The following THBS1 variants were observed in gnomAD, a reference collection of about 807,000 sequenced individuals.
THBS1 encodes the protein thrombospondin-1.
A neutral mutation model predicts 126.1 loss-of-function variants in THBS1; 29 were observed. The ratio of observed to expected loss-of-function variants is 0.23; its 90% CI spans 0.17 to 0.31. THBS1 has a LOEUF of 0.31. THBS1 is among the 10% of genes least tolerant of loss of function. The pLI is 1.00. For missense variants in THBS1, 1,198 were observed against 1,545.2 expected (o/e 0.78, Z 3.77); for synonymous variants, 496 against 577.8 (o/e 0.86, Z 2.03).
chr15:39,587,576 A>C, intron 8 of THBS1, 56 bp downstream of exon 8: 1 of 1,521,972 alleles, frequency 6.6e-7, no homozygotes, highest in Non-Finnish European at 8.9e-7. Flanking sequence ...TGTTGTCGTC[A>C]CCAAGGGCAG....
In THBS1 at chr15:39,584,134, C is replaced by T; in HGVS notation, c.850C>T (p.Leu284Phe). 5 of 1,614,228 alleles carry T rather than the reference C, an allele frequency of 3.1e-6. No individual in the cohort carries two copies. The highest frequency in any genetic ancestry group is 4.2e-6 in the Non-Finnish European group (5 of 1,180,044). Residue 284 changes from leucine to phenylalanine, a missense_variant, in exon 5 of 22, where the codon CTC becomes TTC. Physicochemically the swap from Leu to Phe is conservative, Grantham distance 22. This residue lies in a region of THBS1 where 663 missense variants were observed against 860.1 expected (regional missense o/e 0.77). Coordinates refer to ENST00000260356, the MANE Select transcript of THBS1 (RefSeq NM_003246.4). ...CDELSSMVLE[L>F]RGLRTIVTTL... is the part of the protein sequence containing the mutation. Reference sequence around the variant, plus strand: ...TGAGCTGTCCAGCATGGTCCTGGAACTCAGGGGCCTGCGCACCATTGTGAC... The same window carrying T: ...TGAGCTGTCCAGCATGGTCCTGGAATTCAGGGGCCTGCGCACCATTGTGAC...
In THBS1 at chr15:39,592,639, G is replaced by A; in HGVS notation, c.2604G>A (p.Gln868=). The A allele has an allele frequency of 6.2e-7, 1 of 1,614,136 alleles. No individual in the cohort carries two copies. Among genetic ancestry groups the A allele is most frequent in the Non-Finnish European group, 8.5e-7 (1 of 1,180,020 alleles). ...AGGATATTGATGAAGATGGCCACCA[G>A]AACAATCTGGACAACTGTCCCTATG... ...NNQDIDEDGH[Q]NNLDNCPYVP... The change falls in exon 17 of 22, where the codon CAG becomes CAA. Residue 868 remains glutamine (Q), a synonymous_variant. Transcript: ENST00000260356. This position sits in a 1 kb window ranked among gnomAD's most constrained non-coding sequence, Gnocchi z 4.3.
At chr15:39,591,039 T>C (rs1333604867) in intron 14 of THBS1, 152 bp from the exon 15 acceptor site, 2 of 842,458 alleles carry the variant, frequency 2.4e-6, no homozygotes, top group East Asian at 5.2e-5. Flanking sequence ...ACTTTTGTAG[T>C]GATCGTTTTA....
At position 39,581,087 on chromosome 15, in the gene THBS1, C is replaced by G. The variant is rs559301836; in HGVS notation, c.-171C>G. On this transcript the variant is annotated 5_prime_UTR_variant, in exon 1 of 22. Transcript: ENST00000260356. ...GGCTCCTCCGCCTTGCCAGCCGCTG[C>G]GCCCGAGCTGGCCTGCGAGTTCAGG... 2 of 152,508 alleles carry G rather than the reference C, an allele frequency of 1.3e-5. No individual in the cohort carries two copies. The highest frequency in any genetic ancestry group is 2.9e-5 in the Non-Finnish European group (2 of 68,214). The allele number at this position is 152,508 out of a possible 1,614,324, so 9.4% of individuals were successfully genotyped here.
In THBS1 at chr15:39,589,139, G is replaced by A. The variant is rs969644534; in HGVS notation, c.1773+53G>A. The A allele has an allele frequency of 4.3e-6, 7 of 1,612,754 alleles. No homozygotes were observed. The highest frequency in any genetic ancestry group is 4.0e-5 in the African/African-American group (3 of 74,888). On this transcript the variant is annotated intron_variant, in intron 11 of 21. Coordinates refer to ENST00000260356, the MANE Select transcript of THBS1 (RefSeq NM_003246.4). This position sits in a 1 kb window ranked among gnomAD's most constrained non-coding sequence, Gnocchi z 4.7. ...CTGGATCTAGGAAAGCAGCTAACCT[G>A]TGCAGTCGCTTCCTTATGGCAGTGA...
In THBS1 at chr15:39,592,203, G is replaced by A. The variant is rs541474049; in HGVS notation, c.2533-365G>A. ...CAGTTTTACAACTGAAACCTTCTAAGGAAATTCTCTGTTATAAAGTATCCA... is the reference window on the plus strand; with the variant it reads ...CAGTTTTACAACTGAAACCTTCTAAAGAAATTCTCTGTTATAAAGTATCCA... On this transcript the variant is annotated intron_variant, in intron 16 of 21. Coordinates refer to ENST00000260356, the MANE Select transcript of THBS1 (RefSeq NM_003246.4). This position sits in a 1 kb window ranked among gnomAD's most constrained non-coding sequence, Gnocchi z 4.3. Among the ~76,000 whole-genome samples the A allele has an allele frequency of 6.6e-6, 1 of 152,004 alleles. No homozygotes were observed. Among genetic ancestry groups the A allele is most frequent in the Non-Finnish European group, 1.5e-5 (1 of 68,020 alleles).
At chr15:39,585,010 C>T (rs1890183667) in intron 6 of THBS1, among the ~76,000 whole-genome samples, 1 of 152,176 alleles carries the variant, frequency 6.6e-6, no homozygotes, top group Non-Finnish European at 1.5e-5. Flanking sequence ...TGGGAACCAA[C>T]TTCATTAAAT....
At chr15:39,584,741 C>G (rs987928154) in intron 6 of THBS1, among the ~76,000 whole-genome samples, 1 of 123,374 alleles carries the variant, frequency 8.1e-6, no homozygotes, top group Non-Finnish European at 1.6e-5. Context: ...TTGGAACATT[C>G]ATTTTTTTTT....
rs371636890 is a variant in THBS1, at chr15:39,584,224, C to T, written c.903+37C>T. Reference sequence around the variant, plus strand: ...CTGCACCCAGCCCGTTAGCATGAACCCTGGAAGGTTTATCGCAGATGGTCC... The same window carrying T: ...CTGCACCCAGCCCGTTAGCATGAACTCTGGAAGGTTTATCGCAGATGGTCC... On this transcript the variant is annotated intron_variant, in intron 5 of 21. Coordinates refer to ENST00000260356, the MANE Select transcript of THBS1 (RefSeq NM_003246.4). 3.7e-6 allele frequency: 6 copies of T among 1,613,856 alleles called. No homozygotes were observed. In the African/African-American group the frequency reaches 8.0e-5, roughly 22 times the overall value.
chr15:39,595,912 G>A lies in THBS1; in HGVS notation c.*543G>A. ...ATGTTCGGTACTAAGTCATTTTCAG[G>A]GGATTGAAAGACTATTGCTGGATTT... On this transcript the variant is annotated 3_prime_UTR_variant, in exon 22 of 22. Coordinates refer to ENST00000260356, the MANE Select transcript of THBS1 (RefSeq NM_003246.4). The A allele has an allele frequency of 4.4e-6, 2 of 452,536 alleles. No individual in the cohort carries two copies. The allele number at this position is 452,536 out of a possible 1,614,324, so 28.0% of individuals were successfully genotyped here.
chr15:39,590,042 T>G lies in THBS1; in HGVS notation c.2145+19T>G. On this transcript the variant is annotated intron_variant, in intron 13 of 21. Coordinates refer to ENST00000260356, the MANE Select transcript of THBS1 (RefSeq NM_003246.4). The stretch of plus-strand genomic sequence containing the variant: ...CAAAAAGGTAGAGCCAGGTCCTTTG[T>G]GTGCCTCCAGAAAGAGGGCCCATCA... 1.3e-6 allele frequency: 2 copies of G among 1,557,118 alleles called. No homozygotes were observed. Among genetic ancestry groups the G allele is most frequent in the Non-Finnish European group, 8.7e-7 (1 of 1,148,468 alleles).
intron 7 of THBS1, among the ~76,000 whole-genome samples, chr15:39,586,271 A>G (rs991633914): frequency 6.6e-6 from 1 of 152,196 alleles, no homozygotes; most frequent in African/African-American, 2.4e-5. Flanking sequence ...ACAGCTCAGA[A>G]TAACCAATTC....
rs1890153262 is a variant in THBS1, at chr15:39,583,636, G to C, written c.647G>C (p.Arg216Thr). ...CCACAGGGGGTGCTGCAGAATGTGA[G>C]GTTTGTCTTTGGAACCACACCAGAA... ...DNFQGVLQNV[R>T]FVFGTTPEDI... The change falls in exon 4 of 22, where the codon AGG becomes ACG. Residue 216 changes from arginine to threonine, a missense_variant. Physicochemically the swap from Arg to Thr is moderately conservative, Grantham distance 71. Transcript: ENST00000260356. 6.2e-7 allele frequency: 1 copy of C among 1,611,318 alleles called. No individual in the cohort carries two copies. The highest frequency in any genetic ancestry group is 1.3e-5 in the African/African-American group (1 of 74,752).
chr15:39,585,326 A>G (rs1890189918), intron 6 of THBS1, 144 bp from the exon 7 acceptor site: 1 of 687,094 alleles, frequency 1.5e-6, no homozygotes, highest in East Asian at 2.8e-5. Context: ...CAAATATGAC[A>G]GAGACAGATC....
At chr15:39,590,154 C>T (rs555146740) in intron 13 of THBS1, 131 bp downstream of exon 13, 1 of 872,376 alleles carries the variant, frequency 1.1e-6, no homozygotes, top group East Asian at 2.7e-5. Flanking sequence ...GGGAGAGGGG[C>T]ACTAATTCCT....
At chr15:39,588,918 A>G in intron 10 of THBS1, 41 bp from the exon 11 acceptor site, 1 of 1,614,170 alleles carries the variant, frequency 6.2e-7, no homozygotes, top group Non-Finnish European at 8.5e-7. Flanking sequence ...GGCAGCTTAG[A>G]CCAACCATTT....
At chr15:39,586,128 A>G (rs1890203802) in intron 7 of THBS1, among the ~76,000 whole-genome samples, 1 of 152,206 alleles carries the variant, frequency 6.6e-6, no homozygotes, top group East Asian at 1.9e-4. Context: ...TGCTGAGACA[A>G]TACTTAGTGT....
chr15:39,595,300 TG>T, intron 21 of THBS1, 61 bp from the exon 22 acceptor site: 4 of 1,032,652 alleles, frequency 3.9e-6, no homozygotes, highest in African/African-American at 1.7e-5. Flanking sequence ...TTAACTAAGA[TG>T]TCTATGCTTT....
Position 39,593,564 on chromosome 15 carries a change from G to T in THBS1, c.3163G>T (p.Ala1055Ser). 1 of 1,614,198 alleles carries T rather than the reference G, an allele frequency of 6.2e-7. No individual in the cohort carries two copies. The highest frequency in any genetic ancestry group is 8.5e-7 in the Non-Finnish European group (1 of 1,180,036). The part of the protein sequence containing the change: ...QSYWDTNPTR[A>S]QGYSGLSVKV... ...CTACTGGGACACCAACCCCACGAGGGCTCAGGGATACTCGGGCCTTTCTGT... is the reference window on the plus strand; with the variant it reads ...CTACTGGGACACCAACCCCACGAGGTCTCAGGGATACTCGGGCCTTTCTGT... The change falls in exon 19 of 22, where the codon GCT becomes TCT. Residue 1055 changes from alanine to serine, a missense_variant. By Grantham distance (99) the Ala-to-Ser change is moderately conservative (BLOSUM62 1). This residue lies in a region of THBS1 where 255 missense variants were observed against 373.9 expected (regional missense o/e 0.68). Coordinates refer to ENST00000260356, the MANE Select transcript of THBS1 (RefSeq NM_003246.4). The surrounding 1 kb of genome is among the most constrained non-coding windows in gnomAD (Gnocchi z 5.9).
Sources: allele counts gnomAD v4.1 joint callset (sites outside exome capture counted in the v4.1 genomes callset), GRCh38; gene constraint gnomAD v4.1.1; regional missense constraint gnomAD v4.1.1; non-coding constraint Gnocchi (gnomAD v3.1); transcripts MANE v1.5; gene names NCBI Gene and HGNC (gene_info 2026-07-23, HGNC 2026-07-21).